The following FAT3 variants were observed in gnomAD, a reference collection of about 807,000 sequenced individuals.
FAT3 encodes the protein protocadherin Fat 3.
A neutral mutation model predicts 310.2 loss-of-function variants in FAT3; 95 were observed. The ratio of observed to expected loss-of-function variants is 0.31; its 90% CI spans 0.26 to 0.36. FAT3 has a LOEUF of 0.36. FAT3 is among the 10% of genes least tolerant of loss of function. The probability of loss-of-function intolerance (pLI) is 1.00; values close to 1 mark genes in which losing one functional copy is unlikely to be tolerated. For missense variants in FAT3, 5,408 were observed against 5,715.6 expected (o/e 0.95, Z 1.74); for synonymous variants, 2,314 against 2,192.9 (o/e 1.06, Z -1.54).
intron 22 of FAT3, among the ~76,000 whole-genome samples, chr11:92,872,628 A>T (rs1949416517): frequency 2.0e-5 from 3 of 152,210 alleles, no homozygotes; most frequent in African/African-American, 7.2e-5. Context: ...TTATGTGCAG[A>T]TACATACTAG....
At chr11:92,474,874 C>T (rs912117077) in intron 2 of FAT3, among the ~76,000 whole-genome samples, 3 of 152,208 alleles carry the variant, frequency 2.0e-5, no homozygotes, top group Admixed American at 2.0e-4. Context: ...TAAAAATGTG[C>T]TTGGCTATCT....
At chr11:92,511,158 C>T (rs1164583081) in intron 2 of FAT3, among the ~76,000 whole-genome samples, 4 of 152,152 alleles carry the variant, frequency 2.6e-5, no homozygotes, top group East Asian at 1.9e-4. Context: ...ACTCCATTTG[C>T]GTTCTAGGTA....
chr11:92,764,327 C>T (rs1946247553), intron 5 of FAT3, among the ~76,000 whole-genome samples: 1 of 152,158 alleles, frequency 6.6e-6, no homozygotes, highest in South Asian at 2.1e-4. Context: ...TCCCAGCCCA[C>T]TCTATCTTGC....
chr11:92,560,057 C>CCATT (rs1233604360), intron 3 of FAT3, among the ~76,000 whole-genome samples: 2 of 152,200 alleles, frequency 1.3e-5, no homozygotes, highest in Non-Finnish European at 2.9e-5. Context: ...AGTGGCTGCA[C>CCATT]CATTATACAT....
chr11:92,490,092 A>G (rs1197224101), intron 2 of FAT3, among the ~76,000 whole-genome samples: 2 of 151,954 alleles, frequency 1.3e-5, no homozygotes, highest in African/African-American at 4.8e-5. Context: ...TTATTCCTTC[A>G]TCTGATTTGG....
At chr11:92,625,146 C>A (rs571088569) in intron 3 of FAT3, among the ~76,000 whole-genome samples, 1 of 152,274 alleles carries the variant, frequency 6.6e-6, no homozygotes, top group South Asian at 2.1e-4. Flanking sequence ...TTGATGGATG[C>A]TGGGGCAAGA....
chr11:92,844,822 C>A, intron 19 of FAT3, 90 bp downstream of exon 19: 1 of 1,329,156 alleles, frequency 7.5e-7, no homozygotes, highest in Non-Finnish European at 1.0e-6. Context: ...TTCAATCATT[C>A]GTTCAACTAA....
Position 92,241,681 on chromosome 11 carries a change from C to T in FAT3, c.-18+16507C>T, listed in dbSNP as rs1320443445. Among the ~76,000 whole-genome samples the T allele has an allele frequency of 3.9e-5, 6 of 151,942 alleles. No homozygotes were observed. In the East Asian group the frequency reaches 5.8e-4, roughly 15 times the overall value. Reference sequence around the variant, plus strand: ...AAGAATCAACTACCTTTAACGAATACAGAATGTTGCTGGTGTTTCATTTGC... The same window carrying T: ...AAGAATCAACTACCTTTAACGAATATAGAATGTTGCTGGTGTTTCATTTGC... On this transcript the variant is annotated intron_variant, in intron 1 of 27. Transcript: ENST00000525166.
intron 1 of FAT3, among the ~76,000 whole-genome samples, chr11:92,276,624 G>T (rs1042462128): frequency 1.3e-5 from 2 of 152,068 alleles, no homozygotes; most frequent in South Asian, 2.1e-4. Context: ...CTGCATCTTC[G>T]GTCTGGGTGC....
At position 92,792,888 on chromosome 11, in the gene FAT3, C is replaced by G. The variant is rs750594228; in HGVS notation, c.4733C>G (p.Ser1578Cys). The change falls in exon 9 of 28, where the codon TCT becomes TGT. Residue 1578 changes from serine (S) to cysteine (C), a missense_variant. Physicochemically the swap from Ser to Cys is moderately radical, Grantham distance 112. Transcript: ENST00000525166. ...NPLYEASVFESAALGSAVLQV... is the reference protein window; with the variant it reads ...NPLYEASVFECAALGSAVLQV... ...CTGTATGAAGCGTCTGTGTTTGAAT[C>G]TGCTGCTCTGGGATCAGCTGTTCTG... is the stretch of plus-strand genomic sequence containing the variant. 1 of 1,613,850 alleles carries G rather than the reference C, an allele frequency of 6.2e-7. No individual in the cohort carries two copies. Among genetic ancestry groups the G allele is most frequent in the South Asian group, 1.1e-5 (1 of 91,074 alleles).
chr11:92,241,144 C>G (rs1429990724), intron 1 of FAT3, among the ~76,000 whole-genome samples: 1 of 152,048 alleles, frequency 6.6e-6, no homozygotes, highest in Non-Finnish European at 1.5e-5. Flanking sequence ...ACTTGATATT[C>G]GTTGGCCAAA....
At chr11:92,451,785 A>G (rs562558231) in intron 2 of FAT3, among the ~76,000 whole-genome samples, 128 of 152,304 alleles carry the variant, frequency 8.4e-4, no homozygotes, top group African/African-American at 2.9e-3. Flanking sequence ...AAGAAAGTTA[A>G]TTGTAGGCTA....
chr11:92,256,568 A>G (rs1488298203), intron 1 of FAT3, among the ~76,000 whole-genome samples: 4 of 152,154 alleles, frequency 2.6e-5, no homozygotes, highest in East Asian at 1.9e-4. Context: ...AAGAAAATCC[A>G]TGTATCATTT....
At chr11:92,727,468 G>C (rs1376046244) in intron 4 of FAT3, among the ~76,000 whole-genome samples, 1 of 152,078 alleles carries the variant, frequency 6.6e-6, no homozygotes, top group Admixed American at 6.6e-5. Context: ...GGTATGAAAT[G>C]AGAGTGTCTG....
chr11:92,543,939 C>T (rs1037600158), intron 3 of FAT3, among the ~76,000 whole-genome samples: 2 of 152,078 alleles, frequency 1.3e-5, no homozygotes, highest in African/African-American at 4.8e-5. Context: ...TTTTTGCAGT[C>T]CTTCATTTCA....
chr11:92,581,967 T>G (rs888327459), intron 3 of FAT3, among the ~76,000 whole-genome samples: 1 of 152,038 alleles, frequency 6.6e-6, no homozygotes, highest in African/African-American at 2.4e-5. Context: ...GGCTGCTTCA[T>G]AGACAGAGCA....
intron 13 of FAT3, among the ~76,000 whole-genome samples, chr11:92,817,209 A>G (rs1246140893): frequency 2.0e-5 from 3 of 152,140 alleles, no homozygotes; most frequent in African/African-American, 4.8e-5. Flanking sequence ...GTGAGGGGAA[A>G]GGTGAGCGGG....
At chr11:92,529,897 T>C (rs978035097) in intron 3 of FAT3, among the ~76,000 whole-genome samples, 1 of 152,170 alleles carries the variant, frequency 6.6e-6, no homozygotes, top group Non-Finnish European at 1.5e-5. Flanking sequence ...CATCTTGAAA[T>C]AAACCTGAGT....
chr11:92,585,641 T>C (rs1343561270), intron 3 of FAT3, among the ~76,000 whole-genome samples: 1 of 152,008 alleles, frequency 6.6e-6, no homozygotes, highest in East Asian at 1.9e-4. Context: ...TGTTTTAAGA[T>C]GGAGAAGCAG....
Sources: gnomAD v4.1 joint callset for allele counts (sites outside exome capture counted in the v4.1 genomes callset) on GRCh38, gnomAD v4.1.1 for gene constraint, MANE v1.5 for transcripts, NCBI Gene and HGNC (gene_info 2026-07-23, HGNC 2026-07-21) for gene names.